The following PDE4D variants were observed in gnomAD, a reference collection of about 807,000 sequenced individuals.
The protein encoded by PDE4D is phosphodiesterase 4D.
PDE4D carries 24 observed loss-of-function variants against 87.4 expected under a neutral mutation model. The ratio of observed to expected loss-of-function variants is 0.27; its 90% CI spans 0.20 to 0.39. The LOEUF (loss-of-function observed/expected upper bound fraction) is 0.39, where lower values mean the gene tolerates loss of function less well. Ranked by LOEUF, PDE4D falls within the 10% of genes least tolerant of loss-of-function variation. The pLI is 1.00. For missense variants in PDE4D, 714 were observed against 1,041.0 expected, an observed-to-expected ratio of 0.69 and a Z score of 4.32; for synonymous variants, 384 against 383.2, an observed-to-expected ratio of 1.00 and a Z score of -0.02.
At chr5:59,862,800 C>T (rs1165211121) in intron 1 of PDE4D, among the ~76,000 whole-genome samples, 2 of 152,066 alleles carry the variant, frequency 1.3e-5, no homozygotes, top group African/African-American at 2.4e-5. Flanking sequence ...ATATAAGAAG[C>T]TCAATTGGGT....
At chr5:60,420,623 A>G (rs1743002673) in intron 1 of PDE4D, among the ~76,000 whole-genome samples, 1 of 152,246 alleles carries the variant, frequency 6.6e-6, no homozygotes, top group African/African-American at 2.4e-5. Flanking sequence ...TGCACCTCCC[A>G]GCGTCATCGA....
Position 59,493,072 on chromosome 5 carries a change from T to C in PDE4D, c.456-277104A>G, listed in dbSNP as rs537537302. 7.2e-5 allele frequency among the ~76,000 whole-genome samples: 11 copies of C among 152,214 alleles called. No homozygotes were observed. In the South Asian group the frequency reaches 2.3e-3, roughly 32 times the overall value. On this transcript the variant is annotated intron_variant, in intron 1 of 14. Transcript: ENST00000340635. ...TCTATATGGTCAATTCAGTGAGAGG[T>C]GTCCATTGGCTAAAATTGTTTATAT...
intron 1 of PDE4D, among the ~76,000 whole-genome samples, chr5:60,372,218 T>A (rs144571357): frequency 1.9e-4 from 29 of 152,324 alleles, no homozygotes; most frequent in Non-Finnish European, 2.2e-4. Context: ...CATTTCCTGC[T>A]GGCTAATGAA....
intron 1 of PDE4D, among the ~76,000 whole-genome samples, chr5:59,372,986 C>A (rs1161001547): frequency 2.0e-5 from 3 of 151,058 alleles, no homozygotes; most frequent in Non-Finnish European, 4.4e-5. Context: ...CAATCAAACC[C>A]TCAAGGTCAT....
intron 1 of PDE4D, among the ~76,000 whole-genome samples, chr5:59,269,114 G>C (rs1763352781): frequency 1.3e-5 from 2 of 151,618 alleles, no homozygotes; most frequent in African/African-American, 2.4e-5. Flanking sequence ...AAAAAAAAAA[G>C]AGTTGCAGTC....
chr5:59,795,656 A>G (rs1406544106), intron 1 of PDE4D, among the ~76,000 whole-genome samples: 2 of 152,120 alleles, frequency 1.3e-5, no homozygotes, highest in Non-Finnish European at 2.9e-5. Flanking sequence ...CTTGCCTCGG[A>G]CCACACTGTC....
chr5:59,661,450 C>T (rs1745242849), intron 1 of PDE4D, among the ~76,000 whole-genome samples: 1 of 152,162 alleles, frequency 6.6e-6, no homozygotes, highest in African/African-American at 2.4e-5. Flanking sequence ...GTCCAGCCCA[C>T]ATGCCCTACA....
intron 2 of PDE4D, among the ~76,000 whole-genome samples, chr5:60,033,550 T>A (rs1767468541): frequency 6.6e-6 from 1 of 152,342 alleles, no homozygotes; most frequent in Non-Finnish European, 1.5e-5. Flanking sequence ...ACAAAGTAGC[T>A]ACACAATCTC....
intron 1 of PDE4D, among the ~76,000 whole-genome samples, chr5:59,735,858 G>A (rs553777298): frequency 8.8e-4 from 134 of 151,958 alleles, no homozygotes; most frequent in African/African-American, 3.1e-3. Flanking sequence ...TAGTACAGAC[G>A]GGATTTCACC....
chr5:60,361,725 T>C (rs1230188353), intron 1 of PDE4D, among the ~76,000 whole-genome samples: 1 of 152,180 alleles, frequency 6.6e-6, no homozygotes, highest in African/African-American at 2.4e-5. Context: ...TAACAACGTT[T>C]GAGATGGTGG....
chr5:60,252,590 G>A (rs890222891), intron 1 of PDE4D, among the ~76,000 whole-genome samples: 12 of 151,532 alleles, frequency 7.9e-5, no homozygotes, highest in Non-Finnish European at 1.6e-4. Context: ...CAATGGCAGG[G>A]GTATGGGCTG....
chr5:60,245,681 G>C (rs2149670557), intron 1 of PDE4D, among the ~76,000 whole-genome samples: 1 of 152,046 alleles, frequency 6.6e-6, no homozygotes, highest in Admixed American at 6.6e-5. Context: ...GACACAGAAA[G>C]ACAAACTTTG....
At chr5:59,186,138 G>T (rs1473471063) in intron 3 of PDE4D, among the ~76,000 whole-genome samples, 1 of 152,130 alleles carries the variant, frequency 6.6e-6, no homozygotes, top group Non-Finnish European at 1.5e-5. Context: ...TAGGTGATTT[G>T]GGTGACAGCT....
At chr5:59,482,774 CTAA>C (rs1282571020) in intron 1 of PDE4D, among the ~76,000 whole-genome samples, 2 of 151,164 alleles carry the variant, frequency 1.3e-5, no homozygotes, top group Non-Finnish European at 2.9e-5. Flanking sequence ...ATGCTCCTCT[CTAA>C]TAATAACCAT....
At chr5:59,751,657 A>T (rs902109730) in intron 1 of PDE4D, among the ~76,000 whole-genome samples, 1 of 151,236 alleles carries the variant, frequency 6.6e-6, no homozygotes, top group Admixed American at 6.6e-5. Context: ...AGAGAGAGAG[A>T]TGTTAGCAAT....
intron 1 of PDE4D, among the ~76,000 whole-genome samples, chr5:59,697,730 T>C (rs1751985092): frequency 6.6e-6 from 1 of 152,206 alleles, no homozygotes; most frequent in Non-Finnish European, 1.5e-5. Context: ...CCAAGATCTC[T>C]GCTATTCTGA....
chr5:59,887,784 G>A (rs748165752), intron 1 of PDE4D, among the ~76,000 whole-genome samples: 9 of 152,088 alleles, frequency 5.9e-5, no homozygotes, highest in Non-Finnish European at 1.2e-4. Context: ...GAAAGTGAAA[G>A]AATGTTTGTT....
At chr5:59,931,018 C>T (rs1755850719) in intron 3 of PDE4D, among the ~76,000 whole-genome samples, 1 of 145,446 alleles carries the variant, frequency 6.9e-6, no homozygotes, top group African/African-American at 2.4e-5. Flanking sequence ...TTGTCTCTCC[C>T]TTTTGAAAGC....
At chr5:60,305,003 A>G (rs1474942728) in intron 1 of PDE4D, among the ~76,000 whole-genome samples, 2 of 151,382 alleles carry the variant, frequency 1.3e-5, no homozygotes, top group East Asian at 3.9e-4. Flanking sequence ...ATATATATAT[A>G]TATTTGATTC....
Sources: gnomAD v4.1 joint callset for allele counts (sites outside exome capture counted in the v4.1 genomes callset) on GRCh38, gnomAD v4.1.1 for gene constraint, MANE v1.5 for transcripts, NCBI Gene and HGNC (gene_info 2026-07-23, HGNC 2026-07-21) for gene names.